The following BEND5 variants were observed in gnomAD, a reference collection of about 807,000 sequenced individuals.
BEND5 encodes the protein BEN domain containing 5.
A neutral mutation model predicts 43.9 loss-of-function variants in BEND5; 22 were observed. That is an observed-to-expected ratio of 0.50 (90% CI 0.36 to 0.72). The LOEUF (loss-of-function observed/expected upper bound fraction) is 0.72. Among genes scored for constraint, BEND5 ranks in the 30% least tolerant of loss-of-function variants. The pLI, the probability that BEND5 is intolerant of heterozygous loss-of-function variation, is 0.00. For synonymous variants in BEND5, 228 were observed against 225.9 expected (o/e 1.01, Z -0.08); for missense variants, 428 against 550.6 (o/e 0.78, Z 2.23).
At chr1:48,738,089 A>G (rs1402176240) in intron 4 of BEND5, among the ~76,000 whole-genome samples, 1 of 152,200 alleles carries the variant, frequency 6.6e-6, no homozygotes, top group African/African-American at 2.4e-5. Flanking sequence ...TCTTTCTACT[A>G]CTGGAGCTTG....
chr1:48,756,708 A>G (rs572610616), intron 3 of BEND5, among the ~76,000 whole-genome samples: 184 of 152,346 alleles, frequency 1.2e-3, no homozygotes, highest in African/African-American at 4.2e-3. Flanking sequence ...AAGTTGGCAC[A>G]TTAGCATCCT....
chr1:48,775,603 T>C (rs1645038945), intron 1 of BEND5, among the ~76,000 whole-genome samples: 1 of 152,190 alleles, frequency 6.6e-6, no homozygotes, highest in South Asian at 2.1e-4. Flanking sequence ...TACTTCCCCC[T>C]TCCTTGCTTG....
intron 3 of BEND5, among the ~76,000 whole-genome samples, chr1:48,744,759 C>T (rs1473972463): frequency 6.6e-6 from 1 of 152,198 alleles, no homozygotes; most frequent in Admixed American, 6.5e-5. Flanking sequence ...AGTCCCACAC[C>T]ATGGCCTCCA....
In BEND5 at chr1:48,761,480, A is replaced by G. The variant is rs565531770; in HGVS notation, c.227-10T>C. On this transcript the variant is annotated splice_polypyrimidine_tract_variant and intron_variant, in intron 1 of 5. Coordinates refer to ENST00000371833, the MANE Select transcript of BEND5 (RefSeq NM_024603.4). ...AGGTCAGATTTGTCTTCTAAAATGC[A>G]TATCAAGAGAACAAGGTTCATCATG... 5.2e-6 allele frequency: 8 copies of G among 1,549,090 alleles called. No homozygotes were observed. The highest frequency in any genetic ancestry group is 3.6e-5 in the South Asian group (3 of 83,806).
At chr1:48,733,084 G>A (rs1409111113) in intron 5 of BEND5, among the ~76,000 whole-genome samples, 1 of 152,148 alleles carries the variant, frequency 6.6e-6, no homozygotes, top group African/African-American at 2.4e-5. Flanking sequence ...GCATTACCAG[G>A]GAACACACAC....
chr1:48,772,310 T>C (rs929596432), intron 1 of BEND5, among the ~76,000 whole-genome samples: 3 of 152,206 alleles, frequency 2.0e-5, no homozygotes, highest in Admixed American at 1.3e-4. Flanking sequence ...GGACTACCAC[T>C]GAAGCAAGGT....
chr1:48,776,515 CCCCCCGGTCCCCTCCGCCCGGG>C (rs1014083603), intron 1 of BEND5, 69 bp downstream of exon 1: 3 of 929,378 alleles, frequency 3.2e-6, no homozygotes, highest in African/African-American at 1.8e-5. Flanking sequence ...AGCAGTGGCT[CCCCCCGGTCCCCTCCGCCCGGG>C]CCCCCGGCCC....
At chr1:48,755,738 C>T (rs1317556829) in intron 3 of BEND5, among the ~76,000 whole-genome samples, 1 of 152,156 alleles carries the variant, frequency 6.6e-6, no homozygotes, top group African/African-American at 2.4e-5. Flanking sequence ...TAATCTCTCT[C>T]CCAGAACTGG....
intron 2 of BEND5, among the ~76,000 whole-genome samples, chr1:48,759,889 T>G (rs951815785): frequency 6.6e-6 from 1 of 152,198 alleles, no homozygotes; most frequent in Non-Finnish European, 1.5e-5. Context: ...GCCTACTCAC[T>G]CAGAACTGGC....
intron 1 of BEND5, among the ~76,000 whole-genome samples, chr1:48,775,486 C>T (rs150882132): frequency 1.0e-3 from 152 of 152,260 alleles, no homozygotes; most frequent in Middle Eastern, 3.4e-3. Context: ...CAGTCACTAA[C>T]CCTTCGTGTT....
intron 3 of BEND5, among the ~76,000 whole-genome samples, chr1:48,745,293 G>A (rs1476329360): frequency 6.6e-6 from 1 of 152,144 alleles, no homozygotes; most frequent in Non-Finnish European, 1.5e-5. Context: ...TGTTCTGAAT[G>A]TCTGTAATCT....
At chr1:48,767,624 A>C (rs1342266494) in intron 1 of BEND5, among the ~76,000 whole-genome samples, 2 of 152,190 alleles carry the variant, frequency 1.3e-5, no homozygotes, top group Non-Finnish European at 2.9e-5. Context: ...ACTTTGGGAT[A>C]TGCTTCTGGC....
intron 5 of BEND5, among the ~76,000 whole-genome samples, chr1:48,734,258 G>C (rs1265420657): frequency 6.6e-6 from 1 of 152,190 alleles, no homozygotes; most frequent in African/African-American, 2.4e-5. Flanking sequence ...GAGTCGGCGG[G>C]TGTGTGTTTG....
At chr1:48,751,211 C>T (rs1257611536) in intron 3 of BEND5, among the ~76,000 whole-genome samples, 3 of 152,188 alleles carry the variant, frequency 2.0e-5, no homozygotes, top group Non-Finnish European at 2.9e-5. Context: ...GGCCATGTTG[C>T]CTGGTAAGGC....
intron 1 of BEND5, 136 bp downstream of exon 1, chr1:48,776,470 G>T: frequency 1.5e-6 from 1 of 654,504 alleles, no homozygotes; most frequent in Non-Finnish European, 2.3e-6. Flanking sequence ...CAAATGAAAT[G>T]CCCAGAGGAC....
chr1:48,745,960 T>C (rs1650676691), intron 3 of BEND5, among the ~76,000 whole-genome samples: 2 of 152,124 alleles, frequency 1.3e-5, no homozygotes, highest in African/African-American at 4.8e-5. Context: ...GGTGCCTTTT[T>C]ATGTCAGAAA....
rs557867389 is a variant in BEND5 at position 48,736,504 on chromosome 1, G to A, written c.895-52C>T. On this transcript the variant is annotated intron_variant, in intron 4 of 5. Transcript: ENST00000371833. This position sits in a 1 kb window ranked among gnomAD's most constrained non-coding sequence, Gnocchi z 4.0. Reference sequence around the variant, plus strand: ...TGTTTAGTCCGACAGGAGGGCAGTGGGAGGCTTCTCTTGTCCTTTAAAAAG... The same window carrying A: ...TGTTTAGTCCGACAGGAGGGCAGTGAGAGGCTTCTCTTGTCCTTTAAAAAG... The A allele has an allele frequency of 6.7e-7, 1 of 1,503,246 alleles. No homozygotes were observed. The highest frequency in any genetic ancestry group is 1.4e-5 in the African/African-American group (1 of 72,276). 93.1% of individuals were successfully genotyped at this position (1,503,246 alleles called of 1,614,324 possible).
chr1:48,731,446 C>T (rs560998309), intron 5 of BEND5, among the ~76,000 whole-genome samples: 1 of 152,142 alleles, frequency 6.6e-6, no homozygotes, highest in African/African-American at 2.4e-5. Context: ...AAGGGTTAGA[C>T]AAGTCTCCTA....
At chr1:48,747,095 A>G (rs2148614549) in intron 3 of BEND5, among the ~76,000 whole-genome samples, 1 of 152,344 alleles carries the variant, frequency 6.6e-6, no homozygotes, top group South Asian at 2.1e-4. Context: ...GCTTTTAAAA[A>G]ATTTCTGAGG....
Sources: allele counts gnomAD v4.1 joint callset (sites outside exome capture counted in the v4.1 genomes callset), GRCh38; gene constraint gnomAD v4.1.1; non-coding constraint Gnocchi (gnomAD v3.1); transcripts MANE v1.5; gene names NCBI Gene and HGNC (gene_info 2026-07-23, HGNC 2026-07-21).